Variants in WDFY2 observed in about 807,000 individuals in gnomAD.
WDFY2 encodes WD repeat and FYVE domain-containing protein 2.
Under a neutral mutation model 56.4 loss-of-function variants are expected in WDFY2, and 36 were observed. The observed-to-expected ratio is 0.64, with a 90% confidence interval of 0.49 to 0.84. The LOEUF is 0.84. WDFY2 is among the 40% of genes least tolerant of loss of function. WDFY2 has a pLI of 0.00. For missense variants in WDFY2, 444 were observed against 512.2 expected (o/e 0.87, Z 1.29); for synonymous variants, 176 against 183.7 (o/e 0.96, Z 0.34).
At chr13:51,619,282 G>C (rs527517250) in intron 1 of WDFY2, among the ~76,000 whole-genome samples, 2 of 152,048 alleles carry the variant, frequency 1.3e-5, no homozygotes, top group Non-Finnish European at 2.9e-5. Context: ...GTAAGACCCT[G>C]TCTGTAACAA....
intron 7 of WDFY2, among the ~76,000 whole-genome samples, chr13:51,747,200 TG>T (rs1466423388): frequency 6.6e-6 from 1 of 152,280 alleles, no homozygotes; most frequent in Non-Finnish European, 1.5e-5. Context: ...ATAGAGATTT[TG>T]TAACGTAAGG....
chr13:51,620,792 G>C (rs897003471), intron 1 of WDFY2, among the ~76,000 whole-genome samples: 1 of 152,184 alleles, frequency 6.6e-6, no homozygotes, highest in East Asian at 1.9e-4. Context: ...TAAATGGGAA[G>C]TGTGGCAGAA....
At chr13:51,685,817 G>A (rs982813153) in intron 3 of WDFY2, among the ~76,000 whole-genome samples, 1 of 152,094 alleles carries the variant, frequency 6.6e-6, no homozygotes, top group Non-Finnish European at 1.5e-5. Context: ...TCCATTAGCC[G>A]GAGCAACTTG....
chr13:51,616,299 G>A (rs1011214530), intron 1 of WDFY2, among the ~76,000 whole-genome samples: 5 of 152,156 alleles, frequency 3.3e-5, no homozygotes, highest in African/African-American at 4.8e-5. Context: ...TTCAGATAGC[G>A]ATTTTTATGA....
intron 3 of WDFY2, among the ~76,000 whole-genome samples, chr13:51,678,827 G>A (rs1206296925): frequency 2.6e-5 from 4 of 152,212 alleles, no homozygotes; most frequent in South Asian, 4.1e-4. Context: ...CAGAAGTACC[G>A]GTACACCAAT....
chr13:51,700,052 G>A (rs1339061666), intron 3 of WDFY2, among the ~76,000 whole-genome samples: 1 of 152,092 alleles, frequency 6.6e-6, no homozygotes, highest in Admixed American at 6.5e-5. Flanking sequence ...GGTGAAAACA[G>A]AAAGTTACAG....
intron 1 of WDFY2, 40 bp from the exon 2 acceptor site, chr13:51,660,556 G>T: frequency 6.3e-7 from 1 of 1,584,236 alleles, no homozygotes; most frequent in Non-Finnish European, 8.7e-7. Context: ...CCATGGCTAA[G>T]AATAATGTGA....
intron 5 of WDFY2, among the ~76,000 whole-genome samples, chr13:51,720,491 T>G (rs971243172): frequency 6.6e-6 from 1 of 152,198 alleles, no homozygotes; most frequent in African/African-American, 2.4e-5. Flanking sequence ...TAAAAGCCAA[T>G]TCAGATGAGC....
intron 6 of WDFY2, among the ~76,000 whole-genome samples, chr13:51,735,514 G>T (rs567105089): frequency 6.6e-6 from 1 of 152,224 alleles, no homozygotes; most frequent in African/African-American, 2.4e-5. Flanking sequence ...ACTCCAGACA[G>T]GGGAAGCAGT....
chr13:51,724,715 G>A (rs1321382114), intron 5 of WDFY2, among the ~76,000 whole-genome samples: 2 of 152,220 alleles, frequency 1.3e-5, no homozygotes, highest in East Asian at 1.9e-4. Context: ...ACATTGGCAC[G>A]TCACTATCAC....
intron 3 of WDFY2, among the ~76,000 whole-genome samples, chr13:51,692,439 C>T (rs1400401392): frequency 1.1e-4 from 16 of 152,180 alleles, no homozygotes; most frequent in Non-Finnish European, 1.9e-4. Flanking sequence ...TTTTCTGCAT[C>T]TATTGAGATA....
chr13:51,699,745 A>C (rs562793206), intron 3 of WDFY2, among the ~76,000 whole-genome samples: 7 of 152,368 alleles, frequency 4.6e-5, no homozygotes, highest in African/African-American at 1.7e-4. Context: ...GAGAGAGTGC[A>C]TGGCTGCATG....
At chr13:51,614,107 A>G (rs570360743) in intron 1 of WDFY2, among the ~76,000 whole-genome samples, 1 of 149,452 alleles carries the variant, frequency 6.7e-6, no homozygotes, top group South Asian at 2.1e-4. Context: ...AATCGCTTGA[A>G]CCTGGGAGGC....
chr13:51,660,328 A>G (rs1212666195), intron 1 of WDFY2, among the ~76,000 whole-genome samples: 1 of 149,766 alleles, frequency 6.7e-6, no homozygotes, highest in African/African-American at 2.5e-5. Flanking sequence ...TCCCGAGTAG[A>G]TGGGATTACA....
chr13:51,752,464 T>A (rs1295131347), intron 8 of WDFY2, among the ~76,000 whole-genome samples: 1 of 152,210 alleles, frequency 6.6e-6, no homozygotes, highest in Non-Finnish European at 1.5e-5. Context: ...TGTCCTGGGT[T>A]GGGTTCTGCA....
At chr13:51,669,033 T>A (rs1379055041) in intron 2 of WDFY2, among the ~76,000 whole-genome samples, 1 of 152,232 alleles carries the variant, frequency 6.6e-6, no homozygotes, top group Non-Finnish European at 1.5e-5. Context: ...AGGGCAATTT[T>A]AAAAATACCA....
intron 1 of WDFY2, among the ~76,000 whole-genome samples, chr13:51,634,763 G>A (rs966972960): frequency 6.6e-6 from 1 of 151,888 alleles, no homozygotes; most frequent in African/African-American, 2.4e-5. Flanking sequence ...AAGAACTATA[G>A]TAGAGCAAGG....
intron 3 of WDFY2, among the ~76,000 whole-genome samples, chr13:51,686,910 A>G (rs1956071217): frequency 6.6e-6 from 1 of 151,758 alleles, no homozygotes; most frequent in Non-Finnish European, 1.5e-5. Flanking sequence ...TTTTCATTCA[A>G]AATTACTGTG....
chr13:51,657,028 T>G (rs891980756), intron 1 of WDFY2, among the ~76,000 whole-genome samples: 1 of 152,062 alleles, frequency 6.6e-6, no homozygotes, highest in African/African-American at 2.4e-5. Context: ...TTTTTATGTC[T>G]TAAATCTCTT....
Sources: allele counts gnomAD v4.1 joint callset (sites outside exome capture counted in the v4.1 genomes callset), GRCh38; gene constraint gnomAD v4.1.1; transcripts MANE v1.5; gene names NCBI Gene and HGNC (gene_info 2026-07-23, HGNC 2026-07-21).